The following JADE3 variants were observed in gnomAD, a reference collection of about 807,000 sequenced individuals.
JADE3 encodes jade family PHD finger 3, also known as protein Jade-3.
JADE3 carries 2 observed loss-of-function variants against 50.1 expected under a neutral mutation model. The ratio of observed to expected loss-of-function variants is 0.04; its 90% CI spans 0.02 to 0.13. JADE3 has a LOEUF of 0.13. Among genes scored for constraint, JADE3 ranks in the 10% least tolerant of loss-of-function variants. The pLI is 1.00. For synonymous variants in JADE3, 218 were observed against 232.9 expected (o/e 0.94, Z 0.58); for missense variants, 475 against 634.4 (o/e 0.75, Z 2.70).
At chrX:47,057,553 C>T (rs782803825) in intron 10 of JADE3, among the ~76,000 whole-genome samples, 2 of 111,144 alleles carry the variant, frequency 1.8e-5, no homozygotes, top group South Asian at 7.6e-4. Flanking sequence ...AACCTCCCAC[C>T]ACCATAATGT....
rs183166525 is a variant in JADE3, at chrX:47,051,782, G to A, written c.973-2376G>A. On this transcript the variant is annotated intron_variant, in intron 8 of 10. Coordinates refer to ENST00000614628, the MANE Select transcript of JADE3 (RefSeq NM_014735.5). ...ACTGCACTCCAGCCTGGGCAACAGA[G>A]TGAGACTCTGTCTCCCAAAAAAAAA... Among the ~76,000 whole-genome samples, 264 of 104,737 alleles carry A rather than the reference G, an allele frequency of 2.5e-3. 1 individual carries two copies. Among genetic ancestry groups the A allele is most frequent in the African/African-American group, 8.7e-3 (247 of 28,307 alleles). The allele number at this position is 104,737 out of a possible 115,157, so 91.0% of individuals were successfully genotyped here. A position where few individuals can be genotyped will look rare whatever the true frequency, so the allele number is the denominator to read the frequency against.
In JADE3 at chrX:46,938,243, C is replaced by T. The variant is rs369852250; in HGVS notation, c.-12+25524C>T. On this transcript the variant is annotated intron_variant, in intron 1 of 10. Transcript: ENST00000614628. The stretch of plus-strand genomic sequence containing the variant: ...TTATTTTTGATACCTGTTTTTATTT[C>T]CTCTTTTTTCCCATTTTCCTGTCTT... Among the ~76,000 whole-genome samples, 73 of 110,067 alleles carry T rather than the reference C, an allele frequency of 6.6e-4. No homozygotes were observed. The South Asian group carries it at 0.027, about 41-fold the overall frequency.
chrX:47,037,725 C>T (rs144000185), intron 7 of JADE3, among the ~76,000 whole-genome samples: 1 of 112,444 alleles, frequency 8.9e-6, no homozygotes, highest in East Asian at 2.8e-4. Context: ...CTAATAATGA[C>T]ATCATGAAAC....
intron 4 of JADE3, among the ~76,000 whole-genome samples, chrX:47,006,886 T>C (rs1365972141): frequency 2.7e-5 from 3 of 111,441 alleles, no homozygotes; most frequent in African/African-American, 9.8e-5. Flanking sequence ...CACCCATGGA[T>C]TATTTCAAAG....
intron 1 of JADE3, among the ~76,000 whole-genome samples, chrX:46,937,427 G>A (rs1450629486): frequency 1.8e-5 from 2 of 111,544 alleles, no homozygotes; most frequent in East Asian, 5.6e-4. Context: ...GACGGTTGAT[G>A]ATGGTGTTCA....
At chrX:47,050,885 C>A (rs951280646) in intron 8 of JADE3, among the ~76,000 whole-genome samples, 1 of 112,128 alleles carries the variant, frequency 8.9e-6, no homozygotes, top group African/African-American at 3.2e-5. Context: ...CTAAAGAATA[C>A]CTTTTACTTT....
At chrX:46,971,900 T>C (rs1448233530) in intron 1 of JADE3, among the ~76,000 whole-genome samples, 1 of 110,500 alleles carries the variant, frequency 9.0e-6, no homozygotes, top group African/African-American at 3.3e-5. Context: ...GTGAGGTCTA[T>C]AGCAGCCAAA....
chrX:46,974,687 G>A (rs1927573263), intron 1 of JADE3, among the ~76,000 whole-genome samples: 1 of 112,426 alleles, frequency 8.9e-6, no homozygotes, highest in Non-Finnish European at 1.9e-5. Flanking sequence ...GAACTGATGA[G>A]TTCTCTAAGT....
At chrX:46,932,436 C>T (rs1556340085) in intron 1 of JADE3, among the ~76,000 whole-genome samples, 3 of 112,126 alleles carry the variant, frequency 2.7e-5, no homozygotes, top group African/African-American at 6.5e-5. Flanking sequence ...CAATTTTATT[C>T]GAGCATTCTT....
chrX:46,919,653 GC>G lies in JADE3; in HGVS notation c.-12+6935del, dbSNP rs1926179353. The stretch of plus-strand genomic sequence containing the variant: ...CATAACTGAAATAGGCTTCACAACA[GC>G]TTGTGGCCTGAAATATATTACATGA... On this transcript the variant is annotated intron_variant, in intron 1 of 10. Coordinates refer to ENST00000614628, the MANE Select transcript of JADE3 (RefSeq NM_014735.5). 2.7e-5 allele frequency among the ~76,000 whole-genome samples: 3 copies of G among 111,244 alleles called. No individual in the cohort carries two copies. In the South Asian group the frequency reaches 1.1e-3, roughly 42 times the overall value.
At chrX:46,944,556 C>T (rs1217852509) in intron 1 of JADE3, among the ~76,000 whole-genome samples, 1 of 110,699 alleles carries the variant, frequency 9.0e-6, no homozygotes, top group Non-Finnish European at 1.9e-5. Context: ...GATCCACCCG[C>T]CTTGGCCTCC....
chrX:47,024,768 G>A lies in JADE3; in HGVS notation c.329G>A (p.Arg110Gln), dbSNP rs372578744. ...KVKDVLFIRP[R>Q]KYIHCSSPDT... ...AAGGACGTTCTGTTTATCCGACCCC[G>A]GAAGTATATTCACTGCTCCAGCCCA... Residue 110 changes from arginine to glutamine, a missense_variant, in exon 5 of 11, where the codon CGG (arginine) becomes CAG (glutamine). Transcript: ENST00000614628. The A allele has an allele frequency of 2.5e-6, 3 of 1,198,700 alleles. No individual in the cohort carries two copies. Among genetic ancestry groups the A allele is most frequent in the South Asian group, 1.8e-5 (1 of 55,775 alleles).
rs1556372983 is a variant in JADE3 at position 47,054,559 on chromosome X, G to A, written c.1374G>A (p.Val458=). 2.5e-6 allele frequency: 3 copies of A among 1,210,252 alleles called. No homozygotes were observed. Among genetic ancestry groups the A allele is most frequent in the East Asian group, 5.9e-5 (2 of 33,860 alleles). ...AGGAGGATGAAGAAAATGGGCTGGT[G>A]CAGCCAAAAGAGGAAAGCATTCACA... ...PPKEDEENGL[V]QPKEESIHTR... The change falls in exon 9 of 11, where the codon GTG becomes GTA. Residue 458 remains valine (V), a synonymous_variant. Coordinates refer to ENST00000614628, the MANE Select transcript of JADE3 (RefSeq NM_014735.5).
intron 1 of JADE3, among the ~76,000 whole-genome samples, chrX:46,949,919 A>G (rs1391963420): frequency 5.4e-5 from 6 of 111,977 alleles, no homozygotes; most frequent in African/African-American, 1.9e-4. Flanking sequence ...CATATCAGCT[A>G]TATTTCTAAT....
chrX:46,968,589 T>C (rs1246590501), intron 1 of JADE3, among the ~76,000 whole-genome samples: 1 of 109,452 alleles, frequency 9.1e-6, no homozygotes. Flanking sequence ...AAAAAGTAAA[T>C]GGATGGAAAA....
intron 8 of JADE3, among the ~76,000 whole-genome samples, chrX:47,049,785 G>C (rs1400718769): frequency 1.1e-5 from 1 of 87,997 alleles, no homozygotes; most frequent in African/African-American, 4.3e-5. Flanking sequence ...TTTTTGAGAG[G>C]GAGTCTCGCC....
At position 47,041,553 on chromosome X, in the gene JADE3, A is replaced by T. The variant is rs782613134; in HGVS notation, c.972+2488A>T. ...CCACTACACCTGGCTCATTTAAAAA[A>T]TTTTTTTTTTGTAGAGACAGGATTT... On this transcript the variant is annotated intron_variant, in intron 8 of 10. Coordinates refer to ENST00000614628, the MANE Select transcript of JADE3 (RefSeq NM_014735.5). Among the ~76,000 whole-genome samples the T allele has an allele frequency of 2.8e-3, 304 of 107,619 alleles. 1 individual carries two copies. Among genetic ancestry groups the T allele is most frequent in the African/African-American group, 9.3e-3 (277 of 29,704 alleles). 93.5% of individuals were successfully genotyped at this position (107,619 alleles called of 115,157 possible).
At chrX:46,964,305 T>A (rs1490817287) in intron 1 of JADE3, among the ~76,000 whole-genome samples, 1 of 112,150 alleles carries the variant, frequency 8.9e-6, no homozygotes. Flanking sequence ...GGTGAGCTTG[T>A]GACTACTTCA....
At chrX:46,931,616 G>T (rs1333738812) in intron 1 of JADE3, among the ~76,000 whole-genome samples, 2 of 110,086 alleles carry the variant, frequency 1.8e-5, no homozygotes, top group Admixed American at 9.8e-5. Flanking sequence ...AGAGACGGGG[G>T]TTTCACTATG....
Sources: allele counts gnomAD v4.1 joint callset (sites outside exome capture counted in the v4.1 genomes callset), GRCh38; gene constraint gnomAD v4.1.1; transcripts MANE v1.5; gene names NCBI Gene and HGNC (gene_info 2026-07-23, HGNC 2026-07-21).